TACC2: variants seen among roughly 807,000 people sequenced by gnomAD.
TACC2 encodes transforming acidic coiled-coil containing protein 2, also known as transforming acidic coiled-coil-containing protein 2.
TACC2 carries 137 observed loss-of-function variants against 227.3 expected under a neutral mutation model. The ratio of observed to expected loss-of-function variants is 0.60; its 90% CI spans 0.52 to 0.69. The LOEUF is 0.69. Among genes scored for constraint, TACC2 ranks in the 30% least tolerant of loss-of-function variants. The pLI is 0.00. For missense variants in TACC2, 3,470 were observed against 3,694.4 expected, an observed-to-expected ratio of 0.94 and a Z score of 1.57; for synonymous variants, 1,523 against 1,487.5, an observed-to-expected ratio of 1.02 and a Z score of -0.55.
intron 1 of TACC2, among the ~76,000 whole-genome samples, chr10:122,010,220 T>G (rs933935965): frequency 1.3e-5 from 2 of 152,154 alleles, no homozygotes; most frequent in African/African-American, 4.8e-5. Context: ...CTGTCATCCC[T>G]CTCCCTTGCC....
chr10:122,084,290 A>AGGAC lies in TACC2; in HGVS notation c.1791_1794dup (p.Ser599GlyfsTer10). ...GGAGACCCAGGGAACCTGCAAGGAG[A>AGGAC]GGACTCTCAGGCTTTCAGCAGCAAG... On this transcript the variant is annotated frameshift_variant, in exon 4 of 23. Transcript: ENST00000369005. LOFTEE classifies it high-confidence loss of function. The AGGAC allele has an allele frequency of 6.2e-7, 1 of 1,613,980 alleles. No homozygotes were observed. The highest frequency in any genetic ancestry group is 8.5e-7 in the Non-Finnish European group (1 of 1,180,038).
chr10:122,210,867 C>T lies in TACC2; in HGVS notation c.6442C>T (p.Pro2148Ser). The T allele has an allele frequency of 6.2e-7, 1 of 1,613,652 alleles. No homozygotes were observed. The change falls in exon 9 of 23, where the codon CCC (proline) becomes TCC (serine). Residue 2148 changes from proline to serine, a missense_variant. Coordinates refer to ENST00000369005, the MANE Select transcript of TACC2 (RefSeq NM_206862.4). The surrounding 1 kb of genome is among the most constrained non-coding windows in gnomAD (Gnocchi z 4.6). ...KQTTKKPTET[P>S]PVKETQQEPD... ...GACCACCAAGAAACCCACAGAGACC[C>T]CCCCAGTGAAGGAGACGCAACAGGA...
At chr10:121,997,960 C>G (rs949798247) in intron 1 of TACC2, among the ~76,000 whole-genome samples, 3 of 152,086 alleles carry the variant, frequency 2.0e-5, no homozygotes, top group African/African-American at 7.2e-5. Flanking sequence ...GCACGAAGAC[C>G]AAGACTTCAG....
At position 122,216,812 on chromosome 10, in the gene TACC2, C is replaced by A; in HGVS notation, c.7530C>A (p.Phe2510Leu). The change falls in exon 11 of 23, where the codon TTC (phenylalanine) becomes TTA (leucine). Residue 2510 changes from phenylalanine (F) to leucine (L), a missense_variant. Transcript: ENST00000369005. ...DLSTFVNETK[F>L]SSPTEELDYR... ...CCACCTTTGTAAACGAGACCAAATT[C>A]AGTTCACCCACTGAGGGTAAGCAAC... 6.2e-7 allele frequency: 1 copy of A among 1,614,168 alleles called. No individual in the cohort carries two copies. Among genetic ancestry groups the A allele is most frequent in the South Asian group, 1.1e-5 (1 of 91,070 alleles).
intron 16 of TACC2, among the ~76,000 whole-genome samples, chr10:122,232,976 A>C (rs773684034): frequency 2.0e-5 from 3 of 152,176 alleles, no homozygotes; most frequent in Non-Finnish European, 4.4e-5. Context: ...ATGGATGAAA[A>C]TCACCATAAG....
chr10:122,160,715 A>G (rs909377362), intron 7 of TACC2, among the ~76,000 whole-genome samples: 4 of 152,172 alleles, frequency 2.6e-5, no homozygotes, highest in Non-Finnish European at 5.9e-5. Context: ...CATTCAGTCC[A>G]TAGCACAGCC....
At chr10:122,215,354 C>T in intron 9 of TACC2, 37 bp from the exon 10 acceptor site, 1 of 1,598,046 alleles carries the variant, frequency 6.3e-7, no homozygotes, top group South Asian at 1.1e-5. Flanking sequence ...TTCCGTCCCT[C>T]TGCTTGTTGT....
chr10:122,203,445 G>A (rs1365065094), intron 8 of TACC2, among the ~76,000 whole-genome samples: 2 of 150,794 alleles, frequency 1.3e-5, no homozygotes, highest in Non-Finnish European at 3.0e-5. Context: ...CCCGGACGAG[G>A]TGGCTGCCGG....
intron 6 of TACC2, among the ~76,000 whole-genome samples, chr10:122,140,987 A>G (rs982345499): frequency 1.3e-5 from 2 of 152,048 alleles, no homozygotes; most frequent in African/African-American, 4.8e-5. Flanking sequence ...ATCTGAGGGG[A>G]CAAAACGGAA....
chr10:122,012,904 G>C (rs1305315297), intron 1 of TACC2, among the ~76,000 whole-genome samples: 1 of 152,190 alleles, frequency 6.6e-6, no homozygotes, highest in Non-Finnish European at 1.5e-5. Flanking sequence ...GGGTGAAGCA[G>C]TGGGCCACGG....
intron 18 of TACC2, among the ~76,000 whole-genome samples, chr10:122,238,748 AC>A (rs2095913671): frequency 6.6e-6 from 1 of 151,680 alleles, no homozygotes; most frequent in South Asian, 2.1e-4. Flanking sequence ...GCTGCGCCTG[AC>A]CCACCACTCT....
At position 121,989,296 on chromosome 10, in the gene TACC2, T is replaced by C. The variant is rs1952938412; in HGVS notation, c.-238T>C. 6.6e-6 allele frequency: 1 copy of C among 152,270 alleles called. No individual in the cohort carries two copies. Among genetic ancestry groups the C allele is most frequent in the African/African-American group, 2.4e-5 (1 of 41,466 alleles). 9.4% of individuals were successfully genotyped at this position (152,270 alleles called of 1,614,324 possible). A position where few individuals can be genotyped will look rare whatever the true frequency, so the allele number is the denominator to read the frequency against. ...ATTTCTCAAGTCACCCGCTTGGTCC[T>C]CTTCCAAGTATACTTTACTTCCTTT... On this transcript the variant is annotated 5_prime_UTR_variant, in exon 1 of 23. Coordinates refer to ENST00000369005, the MANE Select transcript of TACC2 (RefSeq NM_206862.4).
At chr10:122,069,829 C>T (rs2136675260) in intron 3 of TACC2, among the ~76,000 whole-genome samples, 1 of 152,316 alleles carries the variant, frequency 6.6e-6, no homozygotes, top group East Asian at 1.9e-4. Flanking sequence ...TGTTTCTCTT[C>T]TCCCTTCAAG....
At chr10:122,160,356 C>T (rs17103160) in intron 7 of TACC2, among the ~76,000 whole-genome samples, 14,630 of 152,040 alleles carry the variant, frequency 0.096, 2,171 homozygotes, top group African/African-American at 0.32. Context: ...TCATTAGGGT[C>T]GTGCTTAGGA....
At chr10:122,002,951 C>T (rs1954593985) in intron 1 of TACC2, among the ~76,000 whole-genome samples, 1 of 152,070 alleles carries the variant, frequency 6.6e-6, no homozygotes, top group Non-Finnish European at 1.5e-5. Flanking sequence ...ACCTGTAATC[C>T]CAGCACTTTA....
At chr10:122,080,501 TG>T (rs1025699946) in intron 3 of TACC2, among the ~76,000 whole-genome samples, 2 of 152,150 alleles carry the variant, frequency 1.3e-5, no homozygotes, top group African/African-American at 4.8e-5. Flanking sequence ...CCCAAAATGT[TG>T]GGATTACAGG....
intron 5 of TACC2, among the ~76,000 whole-genome samples, chr10:122,132,186 T>G (rs968573213): frequency 6.6e-6 from 1 of 152,188 alleles, no homozygotes; most frequent in African/African-American, 2.4e-5. Flanking sequence ...AACTCATCCC[T>G]CACAGAAAGG....
At chr10:122,076,491 C>T (rs989501217) in intron 3 of TACC2, among the ~76,000 whole-genome samples, 2 of 152,168 alleles carry the variant, frequency 1.3e-5, no homozygotes, top group Non-Finnish European at 2.9e-5. Context: ...GAAGGCACAC[C>T]GGAATGCAAC....
intron 2 of TACC2, among the ~76,000 whole-genome samples, chr10:122,046,419 A>T (rs1011263343): frequency 6.6e-6 from 1 of 152,154 alleles, no homozygotes; most frequent in African/African-American, 2.4e-5. Context: ...GCTTACAGTG[A>T]GCCAAGATCT....
Sources: gnomAD v4.1 joint callset for allele counts (sites outside exome capture counted in the v4.1 genomes callset) on GRCh38, gnomAD v4.1.1 for gene constraint, Gnocchi (gnomAD v3.1) non-coding constraint, MANE v1.5 for transcripts, NCBI Gene and HGNC (gene_info 2026-07-23, HGNC 2026-07-21) for gene names.